Variants in DCBLD1 observed in about 807,000 individuals in gnomAD.
DCBLD1 encodes the protein discoidin, CUB and LCCL domain containing 1, also known as discoidin, CUB and LCCL domain-containing protein 1.
A neutral mutation model predicts 71.5 loss-of-function variants in DCBLD1; 57 were observed. The ratio of observed to expected loss-of-function variants is 0.80; its 90% CI spans 0.64 to 0.99. The LOEUF (loss-of-function observed/expected upper bound fraction) is 0.99, where lower values mean the gene tolerates loss of function less well. Ranked by LOEUF, DCBLD1 falls within the 50% of genes least tolerant of loss-of-function variation. DCBLD1 has a pLI of 0.00. For missense variants in DCBLD1, 891 were observed against 923.5 expected (o/e 0.96, Z 0.46); for synonymous variants, 380 against 363.8 (o/e 1.04, Z -0.51).
chr6:117,512,447 T>C (rs1778054241), intron 2 of DCBLD1, among the ~76,000 whole-genome samples: 1 of 152,240 alleles, frequency 6.6e-6, no homozygotes. Context: ...TTGAAAATTC[T>C]GTAATGTTGT....
intron 1 of DCBLD1, among the ~76,000 whole-genome samples, chr6:117,497,016 G>A (rs1164001157): frequency 1.3e-5 from 2 of 152,114 alleles, no homozygotes; most frequent in African/African-American, 2.4e-5. Flanking sequence ...CTAAGGACTA[G>A]TTAATAATCA....
chr6:117,524,363 G>A (rs1231059212), intron 4 of DCBLD1, among the ~76,000 whole-genome samples: 1 of 151,742 alleles, frequency 6.6e-6, no homozygotes, highest in African/African-American at 2.4e-5. Context: ...CACCACACCG[G>A]GCTAATTTTT....
intron 1 of DCBLD1, among the ~76,000 whole-genome samples, chr6:117,488,697 C>T (rs1362347889): frequency 2.0e-5 from 3 of 152,132 alleles, no homozygotes; most frequent in African/African-American, 7.2e-5. Flanking sequence ...TCTCTGAGAC[C>T]CTTTTACAGG....
chr6:117,512,123 C>G (rs912105908), intron 2 of DCBLD1, among the ~76,000 whole-genome samples: 13 of 152,096 alleles, frequency 8.5e-5, no homozygotes, highest in Admixed American at 5.9e-4. Context: ...ATAAATACTT[C>G]CCTGGAGACT....
chr6:117,556,909 AT>A (rs1779501904), intron 14 of DCBLD1, among the ~76,000 whole-genome samples: 1 of 152,062 alleles, frequency 6.6e-6, no homozygotes, highest in African/African-American at 2.4e-5. Flanking sequence ...AATAATGGCC[AT>A]TCTGATTGGT....
intron 11 of DCBLD1, among the ~76,000 whole-genome samples, chr6:117,541,970 T>C (rs1779110757): frequency 6.6e-6 from 1 of 152,190 alleles, no homozygotes; most frequent in Non-Finnish European, 1.5e-5. Context: ...CTTTAAGTTA[T>C]TTGATTTTCC....
At chr6:117,512,749 G>A (rs1356980446) in intron 2 of DCBLD1, among the ~76,000 whole-genome samples, 1 of 152,104 alleles carries the variant, frequency 6.6e-6, no homozygotes, top group Non-Finnish European at 1.5e-5. Flanking sequence ...TTCAGATGAT[G>A]CTCCAGAAGG....
At chr6:117,567,065 A>G in intron 14 of DCBLD1, 1 of 1,493,160 alleles carries the variant, frequency 6.7e-7, no homozygotes. Context: ...GAGAAAGTCA[A>G]GTTATTGTAA....
At chr6:117,516,423 A>G (rs1778202134) in intron 2 of DCBLD1, among the ~76,000 whole-genome samples, 1 of 152,090 alleles carries the variant, frequency 6.6e-6, no homozygotes, top group African/African-American at 2.4e-5. Flanking sequence ...GTTTCTAAAG[A>G]GGGAAGTGAA....
chr6:117,547,589 TC>T (rs1423800188), intron 14 of DCBLD1: 1 of 626,746 alleles, frequency 1.6e-6, no homozygotes, highest in African/African-American at 1.8e-5. Context: ...CTGTGTGACT[TC>T]CACCTCCATA....
intron 1 of DCBLD1, among the ~76,000 whole-genome samples, chr6:117,487,985 A>G (rs1025954520): frequency 6.6e-6 from 1 of 152,212 alleles, no homozygotes; most frequent in African/African-American, 2.4e-5. Context: ...ATGACTTCTT[A>G]CCCGATGTGG....
chr6:117,483,822 A>G (rs769587025), intron 1 of DCBLD1, among the ~76,000 whole-genome samples: 6 of 151,912 alleles, frequency 3.9e-5, no homozygotes, highest in Admixed American at 6.6e-5. Flanking sequence ...TATCCGGAGT[A>G]CTTTGACAGC....
At position 117,509,652 on chromosome 6, in the gene DCBLD1, T is replaced by A. The variant is rs181364845; in HGVS notation, c.325+5673T>A. Among the ~76,000 whole-genome samples, 994 of 152,210 alleles carry A rather than the reference T, an allele frequency of 6.5e-3. 3 individuals are homozygous for A. Among genetic ancestry groups the A allele is most frequent in the Non-Finnish European group, 0.011 (771 of 68,006 alleles). ...TTCTTCTTCCTCCTCCTGAGTTGTCTTGCCTACTGTTAATATTGTTTGTCT... is the reference window on the plus strand; with the variant it reads ...TTCTTCTTCCTCCTCCTGAGTTGTCATGCCTACTGTTAATATTGTTTGTCT... On this transcript the variant is annotated intron_variant, in intron 2 of 14. Transcript: ENST00000338728.
intron 14 of DCBLD1, among the ~76,000 whole-genome samples, chr6:117,555,324 T>A (rs1433415113): frequency 2.0e-5 from 3 of 152,224 alleles, no homozygotes; most frequent in Admixed American, 2.0e-4. Flanking sequence ...TTTTCATGAC[T>A]AGTTTAGTCA....
At chr6:117,516,295 A>C (rs1027307573) in intron 2 of DCBLD1, among the ~76,000 whole-genome samples, 1 of 151,240 alleles carries the variant, frequency 6.6e-6, no homozygotes, top group South Asian at 2.1e-4. Flanking sequence ...CAGGAGATGG[A>C]GCTTGTAGTG....
rs867266812 is a variant in DCBLD1, at chr6:117,549,372, G to C, written c.*933G>C. 3.0e-6 allele frequency: 3 copies of C among 985,384 alleles called. No individual in the cohort carries two copies. Among genetic ancestry groups the C allele is most frequent in the African/African-American group, 3.5e-5 (2 of 57,342 alleles). 61.0% of individuals were successfully genotyped at this position (985,384 alleles called of 1,614,324 possible). A position where few individuals can be genotyped will look rare whatever the true frequency, so the allele number is the denominator to read the frequency against. On this transcript the variant is annotated 3_prime_UTR_variant, in exon 15 of 15. Coordinates refer to ENST00000338728, the MANE Select transcript of DCBLD1 (RefSeq NM_001366458.2). ...GTGATTCTGACCAAGTCTAAATCGA[G>C]CTTTTCTACTGACATGAAACTGTTG...
intron 4 of DCBLD1, among the ~76,000 whole-genome samples, chr6:117,523,452 G>A (rs1025793291): frequency 6.6e-5 from 10 of 152,142 alleles, no homozygotes; most frequent in African/African-American, 2.4e-4. Flanking sequence ...GATTATTAAG[G>A]CATTTGACAC....
At chr6:117,562,463 G>C (rs189491643) in intron 14 of DCBLD1, 122 of 203,134 alleles carry the variant, frequency 6.0e-4, no homozygotes, top group South Asian at 1.5e-3. Context: ...CAGAAAACAA[G>C]CATTTGAGGC....
rs544437901 is a variant in DCBLD1 at position 117,538,127 on chromosome 6, G to C, written c.761-493G>C. Among the ~76,000 whole-genome samples the C allele has an allele frequency of 4.5e-3, 680 of 152,210 alleles. 2 individuals are homozygous for C. Among genetic ancestry groups the C allele is most frequent in the Non-Finnish European group, 8.1e-3 (554 of 68,014 alleles). On this transcript the variant is annotated intron_variant, in intron 7 of 14. Transcript: ENST00000338728. ...TTGCCTTTATTGCTGCCTTCACATT[G>C]GTATATTGGGCATGGTATAGTTAAG... is the stretch of plus-strand genomic sequence containing the variant.
Sources: gnomAD v4.1 joint callset for allele counts (sites outside exome capture counted in the v4.1 genomes callset) on GRCh38, gnomAD v4.1.1 for gene constraint, MANE v1.5 for transcripts, NCBI Gene and HGNC (gene_info 2026-07-23, HGNC 2026-07-21) for gene names.